The following SNTG1 variants were observed in gnomAD, a reference collection of about 807,000 sequenced individuals.
The protein encoded by SNTG1 is syntrophin gamma 1.
A neutral mutation model predicts 74.7 loss-of-function variants in SNTG1; 39 were observed. That is an observed-to-expected ratio of 0.52 (90% CI 0.40 to 0.68). The LOEUF (loss-of-function observed/expected upper bound fraction) is 0.68, where lower values mean the gene tolerates loss of function less well. Among genes scored for constraint, SNTG1 ranks in the 30% least tolerant of loss-of-function variants. The pLI, the probability that SNTG1 is intolerant of heterozygous loss-of-function variation, is 0.00. For synonymous variants in SNTG1, 254 were observed against 217.1 expected, an observed-to-expected ratio of 1.17 and a Z score of -1.49; for missense variants, 685 against 609.5, an observed-to-expected ratio of 1.12 and a Z score of -1.30.
chr8:50,675,747 T>C (rs2095306990), intron 15 of SNTG1, among the ~76,000 whole-genome samples: 1 of 152,062 alleles, frequency 6.6e-6, no homozygotes, highest in Non-Finnish European at 1.5e-5. Context: ...AGTTTCTTCA[T>C]AGTGTCATTG....
At chr8:50,470,817 A>C (rs1470286715) in intron 8 of SNTG1, among the ~76,000 whole-genome samples, 1 of 152,152 alleles carries the variant, frequency 6.6e-6, no homozygotes, top group Non-Finnish European at 1.5e-5. Context: ...CTTCCACAGA[A>C]TAGAAGGGGA....
chr8:50,715,763 C>T (rs1484658649), intron 17 of SNTG1, among the ~76,000 whole-genome samples: 5 of 152,110 alleles, frequency 3.3e-5, no homozygotes, highest in African/African-American at 4.8e-5. Context: ...AGGCAATCAA[C>T]GTAATCTTAG....
At chr8:50,165,963 G>A (rs1215477487) in intron 1 of SNTG1, among the ~76,000 whole-genome samples, 7 of 145,016 alleles carry the variant, frequency 4.8e-5, no homozygotes, top group African/African-American at 1.8e-4. Context: ...CAGAAATAAT[G>A]CCGCATATCT....
intron 15 of SNTG1, among the ~76,000 whole-genome samples, chr8:50,683,435 G>T (rs548918745): frequency 6.6e-6 from 1 of 152,196 alleles, no homozygotes; most frequent in East Asian, 1.9e-4. Context: ...GGCCAAAGAT[G>T]ATATCATCCA....
intron 1 of SNTG1, among the ~76,000 whole-genome samples, chr8:50,055,963 T>C (rs1242128946): frequency 2.0e-5 from 3 of 152,168 alleles, no homozygotes; most frequent in Non-Finnish European, 4.4e-5. Context: ...GGTAATTCTA[T>C]TTGACCCCAT....
At chr8:50,775,154 A>C (rs2095637200) in intron 18 of SNTG1, among the ~76,000 whole-genome samples, 1 of 151,562 alleles carries the variant, frequency 6.6e-6, no homozygotes, top group Non-Finnish European at 1.5e-5. Flanking sequence ...AATATATTAA[A>C]TATTTCGACC....
intron 2 of SNTG1, among the ~76,000 whole-genome samples, chr8:50,368,427 G>A (rs754919727): frequency 2.0e-5 from 3 of 152,140 alleles, no homozygotes; most frequent in Non-Finnish European, 2.9e-5. Flanking sequence ...AGGAGATTTA[G>A]AAATTTCTCA....
intron 10 of SNTG1, among the ~76,000 whole-genome samples, chr8:50,530,714 AT>A (rs1308792645): frequency 1.3e-5 from 2 of 152,204 alleles, no homozygotes; most frequent in Admixed American, 1.3e-4. Flanking sequence ...TTCACACATT[AT>A]TTTGACATGT....
At chr8:50,601,504 T>A (rs184796724) in intron 13 of SNTG1, among the ~76,000 whole-genome samples, 1,923 of 152,296 alleles carry the variant, frequency 0.013, 15 homozygotes, top group Non-Finnish European at 0.021. Flanking sequence ...ATGATTTTAA[T>A]TTTTTCAGTA....
At chr8:50,509,975 G>A (rs541421794) in intron 9 of SNTG1, among the ~76,000 whole-genome samples, 70 of 152,004 alleles carry the variant, frequency 4.6e-4, no homozygotes, top group Middle Eastern at 3.4e-3. Context: ...TGGTGAGAGA[G>A]CATCCCTGTC....
intron 1 of SNTG1, among the ~76,000 whole-genome samples, chr8:50,115,576 A>AAAAAAAAAAAAAAC (rs1482375164): frequency 3.6e-5 from 3 of 82,906 alleles, no homozygotes; most frequent in East Asian, 7.0e-4. Flanking sequence ...TCAAAAAAAA[A>AAAAAAAAAAAAAAC]AAAAAAAAAA....
intron 18 of SNTG1, among the ~76,000 whole-genome samples, chr8:50,757,007 A>G (rs1388057289): frequency 6.6e-6 from 1 of 151,734 alleles, no homozygotes; most frequent in Non-Finnish European, 1.5e-5. Context: ...AACTTACCTG[A>G]CATGTGACCG....
At chr8:49,987,680 G>A (rs1202412636) in intron 1 of SNTG1, among the ~76,000 whole-genome samples, 1 of 143,542 alleles carries the variant, frequency 7.0e-6, no homozygotes, top group East Asian at 2.0e-4. Flanking sequence ...ACGGAGTCTG[G>A]CACTGCCACC....
chr8:50,245,322 C>CT (rs2086347447), intron 2 of SNTG1, among the ~76,000 whole-genome samples: 2 of 152,202 alleles, frequency 1.3e-5, no homozygotes, highest in African/African-American at 4.8e-5. Flanking sequence ...GTTTCTTCTG[C>CT]TTTTTTAAGT....
At chr8:50,608,917 T>G (rs2094831438) in intron 13 of SNTG1, among the ~76,000 whole-genome samples, 1 of 151,966 alleles carries the variant, frequency 6.6e-6, no homozygotes, top group Admixed American at 6.6e-5. Flanking sequence ...CATCTTTAAG[T>G]GATCATAATC....
At chr8:50,449,587 T>C (rs1185658254) in intron 5 of SNTG1, 81 bp from the exon 6 acceptor site, 2 of 1,102,852 alleles carry the variant, frequency 1.8e-6, no homozygotes, top group Non-Finnish European at 2.5e-6. Context: ...TAACATTCCC[T>C]TCAGAGCCTG....
chr8:50,757,482 A>C (rs2131722897), intron 18 of SNTG1, among the ~76,000 whole-genome samples: 1 of 151,992 alleles, frequency 6.6e-6, no homozygotes. Context: ...CCTGGAATCA[A>C]TAAAAACTAT....
At chr8:50,568,072 T>C (rs2094525999) in intron 12 of SNTG1, among the ~76,000 whole-genome samples, 1 of 152,084 alleles carries the variant, frequency 6.6e-6, no homozygotes, top group Non-Finnish European at 1.5e-5. Context: ...AAAACAACTG[T>C]TTTAGATTCT....
chr8:50,069,807 C>A (rs1265285701), intron 1 of SNTG1, among the ~76,000 whole-genome samples: 1 of 151,704 alleles, frequency 6.6e-6, no homozygotes, highest in Non-Finnish European at 1.5e-5. Context: ...GCACAATCCC[C>A]CACCCTTCCT....
Sources: gnomAD v4.1 joint callset for allele counts (sites outside exome capture counted in the v4.1 genomes callset) on GRCh38, gnomAD v4.1.1 for gene constraint, MANE v1.5 for transcripts, NCBI Gene and HGNC (gene_info 2026-07-23, HGNC 2026-07-21) for gene names.